CDK11B: variants seen among roughly 807,000 people sequenced by gnomAD.
CDK11B encodes cyclin dependent kinase 11B.
A neutral mutation model predicts 84.0 loss-of-function variants in CDK11B; 37 were observed. That is an observed-to-expected ratio of 0.44 (90% CI 0.34 to 0.58). The LOEUF is 0.58. Ranked by LOEUF, CDK11B falls within the 20% of genes least tolerant of loss-of-function variation. The probability of loss-of-function intolerance (pLI) is 0.02; values close to 1 mark genes in which losing one functional copy is unlikely to be tolerated. For missense variants in CDK11B, 427 were observed against 834.0 expected (o/e 0.51, Z 6.01); for synonymous variants, 269 against 309.8 (o/e 0.87, Z 1.38).
chr1:1,640,250 T>A (rs78361857), intron 11 of CDK11B, 27 bp downstream of exon 11: 12 of 1,605,620 alleles, frequency 7.5e-6, no homozygotes, highest in Non-Finnish European at 1.0e-5. Flanking sequence ...ATGCGGACAG[T>A]GGCCCGGGGC....
At chr1:1,652,361 C>T in intron 4 of CDK11B, 78 bp downstream of exon 4, 2 of 1,226,976 alleles carry the variant, frequency 1.6e-6, no homozygotes, top group Non-Finnish European at 2.2e-6. Flanking sequence ...CAGTGGTGCT[C>T]TGGGGAAGGC....
Position 1,637,220 on chromosome 1 carries a change from T to C in CDK11B, c.1571-18A>G. 1 of 1,612,208 alleles carries C rather than the reference T, an allele frequency of 6.2e-7. No individual in the cohort carries two copies. Among genetic ancestry groups the C allele is most frequent in the Non-Finnish European group, 8.5e-7 (1 of 1,179,484 alleles). ...CACCTCCCCTGGGAGGGAGGGAAGC[T>C]CCCATGTGGACCTGGCTGCCCCCAG... On this transcript the variant is annotated intron_variant, in intron 14 of 19. Transcript: ENST00000341832.
chr1:1,638,104 C>T (rs1401140042), intron 12 of CDK11B, among the ~76,000 whole-genome samples: 1 of 152,126 alleles, frequency 6.6e-6, no homozygotes, highest in Non-Finnish European at 1.5e-5. Flanking sequence ...CACTCACAGC[C>T]ACCTACAGCC....
chr1:1,648,711 T>C (rs371713928), intron 5 of CDK11B, among the ~76,000 whole-genome samples: 1 of 152,202 alleles, frequency 6.6e-6, no homozygotes, highest in African/African-American at 2.4e-5. Context: ...TATAAACTAA[T>C]GGCCAGGAGT....
chr1:1,637,798 G>A lies in CDK11B; in HGVS notation c.1428C>T (p.Ile476=), dbSNP rs768019869. Residue 476 remains isoleucine (I), a synonymous_variant, in exon 13 of 20, where the codon ATC becomes ATT. Transcript: ENST00000341832. ...PITSLREINT[I]LKAQHPNIVT... ...CGATGTTGGGATGCTGGGCCTTGAGGATGGTGTTGATCTCCCTCAGCGACG... is the reference window on the plus strand; with the variant it reads ...CGATGTTGGGATGCTGGGCCTTGAGAATGGTGTTGATCTCCCTCAGCGACG... 23 of 1,613,756 alleles carry A rather than the reference G, an allele frequency of 1.4e-5. No homozygotes were observed. In the East Asian group the frequency reaches 4.0e-4, roughly 28 times the overall value.
intron 3 of CDK11B, among the ~76,000 whole-genome samples, chr1:1,653,626 C>T (rs1403795748): frequency 1.3e-5 from 2 of 151,684 alleles, no homozygotes; most frequent in Admixed American, 1.3e-4. Flanking sequence ...CAGCCATTCA[C>T]ATCATATTTA....
chr1:1,655,560 T>C (rs1288170781), intron 2 of CDK11B, 76 bp from the exon 3 acceptor site: 7 of 1,467,608 alleles, frequency 4.8e-6, no homozygotes, highest in Middle Eastern at 1.8e-4. Context: ...TTTTTAATGA[T>C]AATCAAACCT....
intron 4 of CDK11B, among the ~76,000 whole-genome samples, chr1:1,650,031 T>C (rs1344618750): frequency 6.7e-6 from 1 of 149,752 alleles, no homozygotes; most frequent in Non-Finnish European, 1.5e-5. Flanking sequence ...TCCAGCACTC[T>C]GGGAGGCCGA....
Position 1,645,834 on chromosome 1 carries a change from C to T in CDK11B, c.495-572G>A, listed in dbSNP as rs139145541. 1,620 of 345,732 alleles carry T rather than the reference C, an allele frequency of 4.7e-3. 5 individuals are homozygous for T. The highest frequency in any genetic ancestry group is 0.033 in the African/African-American group (1,512 of 45,764). The allele number at this position is 345,732 out of a possible 1,614,324, so 21.4% of individuals were successfully genotyped here. On this transcript the variant is annotated intron_variant, in intron 5 of 19. Transcript: ENST00000341832. Reference sequence around the variant, plus strand: ...GTTTCTGGCTGTGAAGTCCTTGCTCCTTCTTGTTTCTAGCTTTTTTTTGAG... The same window carrying T: ...GTTTCTGGCTGTGAAGTCCTTGCTCTTTCTTGTTTCTAGCTTTTTTTTGAG...
In CDK11B at chr1:1,637,219, C is replaced by T. The variant is rs1401825834; in HGVS notation, c.1571-17G>A. 2.5e-6 allele frequency: 4 copies of T among 1,612,226 alleles called. No homozygotes were observed. Among genetic ancestry groups the T allele is most frequent in the African/African-American group, 2.7e-5 (2 of 74,882 alleles). On this transcript the variant is annotated splice_polypyrimidine_tract_variant and intron_variant, in intron 14 of 19. Coordinates refer to ENST00000341832, the MANE Select transcript of CDK11B (RefSeq NM_033486.3). ...TCACCTCCCCTGGGAGGGAGGGAAGCTCCCATGTGGACCTGGCTGCCCCCA... is the reference window on the plus strand; with the variant it reads ...TCACCTCCCCTGGGAGGGAGGGAAGTTCCCATGTGGACCTGGCTGCCCCCA...
intron 1 of CDK11B, 22 bp from the exon 2 acceptor site, chr1:1,657,520 A>G (rs1642915291): frequency 6.9e-7 from 1 of 1,453,944 alleles, no homozygotes; most frequent in Admixed American, 2.5e-5. Flanking sequence ...AAAATAATTC[A>G]GCCTACATCA....
chr1:1,639,744 C>T (rs1320962253), intron 11 of CDK11B, among the ~76,000 whole-genome samples: 1 of 152,058 alleles, frequency 6.6e-6, no homozygotes, highest in African/African-American at 2.4e-5. Context: ...CTGCCGGTCT[C>T]CCAGGCCCCA....
chr1:1,640,373 G>A lies in CDK11B; in HGVS notation c.1155C>T (p.Ser385=), dbSNP rs1211328440. The change falls in exon 11 of 20, where the codon AGC becomes AGT. Residue 385 remains serine, a synonymous_variant. Coordinates refer to ENST00000341832, the MANE Select transcript of CDK11B (RefSeq NM_033486.3). ...EEEVGEGTPQ[S]SALTEGDYVP... is the part of the protein sequence containing the mutation. ...CATAGTCGCCCTCTGTCAGGGCGCT[G>A]CTCTGCGGCGTTCCCTCACCCACTT... is the stretch of plus-strand genomic sequence containing the variant. The A allele has an allele frequency of 6.2e-7, 1 of 1,613,596 alleles. No homozygotes were observed. The highest frequency in any genetic ancestry group is 1.3e-5 in the African/African-American group (1 of 74,940).
rs766056795 is a variant in CDK11B at position 1,637,451 on chromosome 1, G to A, written c.1527C>T (p.Asp509=). 7 of 1,613,634 alleles carry A rather than the reference G, an allele frequency of 4.3e-6. No homozygotes were observed. The highest frequency in any genetic ancestry group is 1.7e-5 in the Admixed American group (1 of 59,976). Reference sequence around the variant, plus strand: ...TCATGGTCTCCATCAGGCTCTTGAGGTCGTGCTCCACATAGTTCATCACGA... The same window carrying A: ...TCATGGTCTCCATCAGGCTCTTGAGATCGTGCTCCACATAGTTCATCACGA... The part of the protein sequence containing the change: ...IYIVMNYVEH[D]LKSLMETMKQ... The change falls in exon 14 of 20, where the codon GAC becomes GAT. Residue 509 remains aspartate (D), a synonymous_variant. Transcript: ENST00000341832.
At chr1:1,646,145 T>C (rs758609507) in intron 5 of CDK11B, 4 of 460,486 alleles carry the variant, frequency 8.7e-6, no homozygotes, top group African/African-American at 6.0e-5. Flanking sequence ...TTTCCTGTTC[T>C]CTAGCAGACA....
intron 2 of CDK11B, among the ~76,000 whole-genome samples, chr1:1,657,093 C>G (rs71511310): frequency 5.8e-4 from 78 of 134,592 alleles, no homozygotes; most frequent in Non-Finnish European, 7.3e-4. Context: ...TACTAATGAA[C>G]CGAGAAAAAT....
intron 5 of CDK11B, among the ~76,000 whole-genome samples, chr1:1,648,900 C>T (rs1641525191): frequency 1.3e-5 from 2 of 152,122 alleles, no homozygotes; most frequent in Admixed American, 6.5e-5. Flanking sequence ...TCCTAAAGTG[C>T]TAGGATTACA....
chr1:1,650,657 G>T (rs1279457465), intron 4 of CDK11B, among the ~76,000 whole-genome samples: 1 of 135,402 alleles, frequency 7.4e-6, no homozygotes, highest in Non-Finnish European at 1.5e-5. Context: ...GAGCCACCGC[G>T]CCCGGCCTTT....
chr1:1,639,595 T>TGG, intron 11 of CDK11B, among the ~76,000 whole-genome samples: 1 of 151,864 alleles, frequency 6.6e-6, no homozygotes, highest in East Asian at 1.9e-4. Flanking sequence ...GTACTCGGGG[T>TGG]GGCCTGTGGC....
Sources: gnomAD v4.1 joint callset for allele counts (sites outside exome capture counted in the v4.1 genomes callset) on GRCh38, gnomAD v4.1.1 for gene constraint, MANE v1.5 for transcripts, NCBI Gene and HGNC (gene_info 2026-07-23, HGNC 2026-07-21) for gene names.